The following RIMS4 variants were observed in gnomAD, a reference collection of about 807,000 sequenced individuals.
RIMS4 encodes the protein regulating synaptic membrane exocytosis protein 4.
In RIMS4, 9 loss-of-function variants were observed where a neutral mutation model predicts 29.0. The ratio of observed to expected loss-of-function variants is 0.31; its 90% CI spans 0.19 to 0.54. The LOEUF is 0.54. RIMS4 is among the 20% of genes least tolerant of loss of function. The probability of loss-of-function intolerance (pLI) is 0.94; values close to 1 mark genes in which losing one functional copy is unlikely to be tolerated. For missense variants in RIMS4, 193 were observed against 365.7 expected, an observed-to-expected ratio of 0.53 and a Z score of 3.85; for synonymous variants, 130 against 152.9, an observed-to-expected ratio of 0.85 and a Z score of 1.10.
intron 1 of RIMS4, among the ~76,000 whole-genome samples, chr20:44,800,245 C>G (rs528988790): frequency 6.6e-6 from 1 of 152,180 alleles, no homozygotes; most frequent in East Asian, 1.9e-4. Flanking sequence ...AACTGGTAGC[C>G]TGAAAGAGTG....
intron 1 of RIMS4, among the ~76,000 whole-genome samples, chr20:44,809,873 G>A (rs563053456): frequency 6.6e-6 from 1 of 152,154 alleles, no homozygotes; most frequent in South Asian, 2.1e-4. Flanking sequence ...GTGGCAGGTC[G>A]GCTCCAGGGA....
chr20:44,760,076 G>A (rs148495756), intron 2 of RIMS4, among the ~76,000 whole-genome samples: 2 of 152,186 alleles, frequency 1.3e-5, no homozygotes, highest in African/African-American at 4.8e-5. Flanking sequence ...AAACAGACTT[G>A]AAAGAATAGG....
At chr20:44,771,518 C>A in intron 1 of RIMS4, 105 bp from the exon 2 acceptor site, 1 of 1,250,486 alleles carries the variant, frequency 8.0e-7, no homozygotes, top group Non-Finnish European at 1.1e-6. Flanking sequence ...TGGGGGCTGT[C>A]CAGCTTCAGC....
At chr20:44,808,909 A>G (rs993554645) in intron 1 of RIMS4, among the ~76,000 whole-genome samples, 2 of 152,214 alleles carry the variant, frequency 1.3e-5, no homozygotes, top group Non-Finnish European at 2.9e-5. Flanking sequence ...TGGATGGTGC[A>G]TATATGCACT....
Position 44,773,029 on chromosome 20 carries a change from C to CTT in RIMS4, c.98-1617_98-1616insAA, listed in dbSNP as rs10667432. On this transcript the variant is annotated intron_variant, in intron 1 of 5. Transcript: ENST00000372851. The stretch of plus-strand genomic sequence containing the variant: ...TGTAGCCTCGTATTTCTGTCTCCCA[C>CTT]GTGTCTTTGTTATTCAGACACACAG... 8.6e-5 allele frequency among the ~76,000 whole-genome samples: 13 copies of CTT among 151,874 alleles called. No homozygotes were observed. In the East Asian group the frequency reaches 2.5e-3, roughly 29 times the overall value.
chr20:44,778,766 G>C (rs1368026409), intron 1 of RIMS4, among the ~76,000 whole-genome samples: 1 of 152,182 alleles, frequency 6.6e-6, no homozygotes, highest in Non-Finnish European at 1.5e-5. Context: ...ATGGCCTAAT[G>C]GTTAAAAGCA....
rs78043875 is a variant in RIMS4, at chr20:44,769,429, A to G, written c.236+1846T>C. Among the ~76,000 whole-genome samples, 3 of 152,260 alleles carry G rather than the reference A, an allele frequency of 2.0e-5. No individual in the cohort carries two copies. In the East Asian group the frequency reaches 5.8e-4, roughly 29 times the overall value. On this transcript the variant is annotated intron_variant, in intron 2 of 5. Transcript: ENST00000372851. ...CAGATATTTACTGGCCTCAAACATG[A>G]GAGAGGTCCACTGATGTGCTCAAGC...
intron 1 of RIMS4, among the ~76,000 whole-genome samples, chr20:44,805,739 T>G (rs2066295802): frequency 6.6e-6 from 1 of 152,074 alleles, no homozygotes; most frequent in South Asian, 2.1e-4. Flanking sequence ...AGTTAGCACT[T>G]GGTCTGGGAA....
intron 1 of RIMS4, among the ~76,000 whole-genome samples, chr20:44,773,965 C>T (rs1444018551): frequency 6.6e-6 from 1 of 152,040 alleles, no homozygotes; most frequent in Non-Finnish European, 1.5e-5. Context: ...GAAAGACCTT[C>T]CAATGCCCCC....
At position 44,791,866 on chromosome 20, in the gene RIMS4, T is replaced by G. The variant is rs1486303756; in HGVS notation, c.97+18309A>C. On this transcript the variant is annotated intron_variant, in intron 1 of 5. Transcript: ENST00000372851. ...CAGATCTCCAAGAAGGAGCTGATCG[T>G]GGTCCCACCCACCCCCTTTCCTAGC... Among the ~76,000 whole-genome samples, 2 of 152,224 alleles carry G rather than the reference T, an allele frequency of 1.3e-5. 1 individual carries two copies. Among genetic ancestry groups the G allele is most frequent in the Non-Finnish European group, 2.9e-5 (2 of 68,036 alleles).
intron 2 of RIMS4, among the ~76,000 whole-genome samples, chr20:44,760,614 T>C (rs2066080304): frequency 1.3e-5 from 2 of 152,272 alleles, no homozygotes; most frequent in South Asian, 2.1e-4. Context: ...ACCACAATAA[T>C]AGCAGCCAAT....
At chr20:44,785,112 C>G (rs1174820805) in intron 1 of RIMS4, among the ~76,000 whole-genome samples, 2 of 152,212 alleles carry the variant, frequency 1.3e-5, no homozygotes, top group African/African-American at 4.8e-5. Flanking sequence ...GTTCAAGGAG[C>G]CTCTTGGGAG....
At position 44,758,091 on chromosome 20, in the gene RIMS4, G is replaced by A. The variant is rs548211782; in HGVS notation, c.330C>T (p.Thr110=). The change falls in exon 3 of 6, where the codon ACC becomes ACT. Residue 110 remains threonine (T), a synonymous_variant. Coordinates refer to ENST00000372851, the MANE Select transcript of RIMS4 (RefSeq NM_182970.4). ...ACTCACCCATGGGTGTGGTGGCCAGGGTCTGGCGGCCCACAAACTGTGCCG... is the reference window on the plus strand; with the variant it reads ...ACTCACCCATGGGTGTGGTGGCCAGAGTCTGGCGGCCCACAAACTGTGCCG... ...MGPAQFVGRQ[T]LATTPMGDVE... 3.7e-6 allele frequency: 6 copies of A among 1,611,288 alleles called. 1 individual carries two copies. The highest frequency in any genetic ancestry group is 1.7e-4 in the Middle Eastern group (1 of 6,054).
At chr20:44,783,527 G>T (rs2066194182) in intron 1 of RIMS4, among the ~76,000 whole-genome samples, 1 of 152,102 alleles carries the variant, frequency 6.6e-6, no homozygotes, top group Non-Finnish European at 1.5e-5. Context: ...AGGAGGCTGA[G>T]GCAGGAGAAT....
intron 2 of RIMS4, among the ~76,000 whole-genome samples, chr20:44,769,763 G>A (rs1411694785): frequency 6.6e-6 from 1 of 152,228 alleles, no homozygotes; most frequent in Non-Finnish European, 1.5e-5. Flanking sequence ...CAGTTTAGGA[G>A]GGGCTGGGGG....
intron 1 of RIMS4, among the ~76,000 whole-genome samples, chr20:44,776,999 C>T (rs892390017): frequency 3.3e-5 from 5 of 152,208 alleles, no homozygotes; most frequent in Non-Finnish European, 7.3e-5. Context: ...CTCCAAGCTC[C>T]ATCCCAGAAC....
intron 1 of RIMS4, among the ~76,000 whole-genome samples, chr20:44,790,849 G>A (rs1400720073): frequency 6.6e-6 from 1 of 152,222 alleles, no homozygotes; most frequent in Non-Finnish European, 1.5e-5. Context: ...TAAATGCAGG[G>A]CCAGGCATAG....
Position 44,783,642 on chromosome 20 carries a change from C to A in RIMS4, c.98-12229G>T, listed in dbSNP as rs1421803895. On this transcript the variant is annotated intron_variant, in intron 1 of 5. Transcript: ENST00000372851. ...GTCTCAAAAAAAACAAAAACAAAAA[C>A]AAAAAAAAAACAACAAAGCATTACC... is the stretch of plus-strand genomic sequence containing the variant. 1.8e-3 allele frequency among the ~76,000 whole-genome samples: 258 copies of A among 145,746 alleles called. 1 individual carries two copies. The highest frequency in any genetic ancestry group is 5.7e-3 in the African/African-American group (228 of 39,824).
rs1026666982 is a variant in RIMS4, at chr20:44,793,560, G to T, written c.97+16615C>A. On this transcript the variant is annotated intron_variant, in intron 1 of 5. Coordinates refer to ENST00000372851, the MANE Select transcript of RIMS4 (RefSeq NM_182970.4). Reference sequence around the variant, plus strand: ...CTGATGGATGCATCCATCCTCAGGAGAATGAAGCCAGGGAAGGGGTTGAGA... The same window carrying T: ...CTGATGGATGCATCCATCCTCAGGATAATGAAGCCAGGGAAGGGGTTGAGA... 2.6e-5 allele frequency among the ~76,000 whole-genome samples: 4 copies of T among 152,178 alleles called. No homozygotes were observed. The South Asian group carries it at 8.3e-4, about 32-fold the overall frequency.
Sources: gnomAD v4.1 joint callset for allele counts (sites outside exome capture counted in the v4.1 genomes callset) on GRCh38, gnomAD v4.1.1 for gene constraint, MANE v1.5 for transcripts, NCBI Gene and HGNC (gene_info 2026-07-23, HGNC 2026-07-21) for gene names.